AKT3: variants seen among roughly 807,000 people sequenced by gnomAD.
AKT3 encodes the protein RAC-gamma serine/threonine-protein kinase.
A neutral mutation model predicts 65.3 loss-of-function variants in AKT3; 15 were observed. That is an observed-to-expected ratio of 0.23 (90% CI 0.15 to 0.35). AKT3 has a LOEUF of 0.35. AKT3 is among the 10% of genes least tolerant of loss of function. AKT3 has a pLI of 1.00. For missense variants in AKT3, 243 were observed against 576.5 expected, an observed-to-expected ratio of 0.42 and a Z score of 5.92; for synonymous variants, 206 against 183.8, an observed-to-expected ratio of 1.12 and a Z score of -0.98.
chr1:243,729,861 T>C (rs1687439764), intron 2 of AKT3, among the ~76,000 whole-genome samples: 2 of 152,246 alleles, frequency 1.3e-5, no homozygotes, highest in African/African-American at 4.8e-5. Context: ...TGGGTCACTT[T>C]ATTACCAGAA....
At chr1:243,629,588 C>T (rs746199061) in intron 6 of AKT3, among the ~76,000 whole-genome samples, 15 of 151,990 alleles carry the variant, frequency 9.9e-5, no homozygotes, top group Non-Finnish European at 2.1e-4. Flanking sequence ...GTCAGGAGAC[C>T]GAGACCATCC....
intron 8 of AKT3, among the ~76,000 whole-genome samples, chr1:243,574,751 G>A (rs1272739556): frequency 6.6e-6 from 1 of 152,084 alleles, no homozygotes; most frequent in Non-Finnish European, 1.5e-5. Flanking sequence ...AATAATTTCT[G>A]CCATGCAAAA....
chr1:243,650,761 T>C (rs923754408), intron 4 of AKT3, among the ~76,000 whole-genome samples: 6 of 152,206 alleles, frequency 3.9e-5, no homozygotes, highest in African/African-American at 1.4e-4. Flanking sequence ...CATTGGTCTG[T>C]ATCTCTGTTT....
intron 9 of AKT3, among the ~76,000 whole-genome samples, chr1:243,566,600 G>A (rs1026810133): frequency 4.6e-5 from 7 of 152,146 alleles, no homozygotes; most frequent in African/African-American, 9.7e-5. Flanking sequence ...AAGACTATGG[G>A]TTCAAGTCAG....
intron 13 of AKT3, 90 bp downstream of exon 13, chr1:243,512,234 A>G: frequency 1.5e-6 from 1 of 656,828 alleles, no homozygotes; most frequent in Non-Finnish European, 2.5e-6. Context: ...TCTTGAAAAT[A>G]TCAGATGAGT....
At chr1:243,594,334 GC>G (rs1206225612) in intron 8 of AKT3, among the ~76,000 whole-genome samples, 1 of 152,154 alleles carries the variant, frequency 6.6e-6, no homozygotes, top group African/African-American at 2.4e-5. Flanking sequence ...TGGATTAAAT[GC>G]AATCATAATC....
At chr1:243,750,408 T>TACCC (rs1688732518) in intron 2 of AKT3, among the ~76,000 whole-genome samples, 1 of 149,288 alleles carries the variant, frequency 6.7e-6, no homozygotes, top group African/African-American at 2.5e-5. Context: ...CATGCACGTA[T>TACCC]ACACACACAC....
chr1:243,731,986 C>T (rs1293613961), intron 2 of AKT3, among the ~76,000 whole-genome samples: 1 of 152,164 alleles, frequency 6.6e-6, no homozygotes, highest in East Asian at 1.9e-4. Context: ...TATTCACATG[C>T]CATCTACATT....
intron 4 of AKT3, 64 bp downstream of exon 4, chr1:243,664,708 A>C (rs1341575665): frequency 4.3e-6 from 3 of 696,806 alleles, no homozygotes; most frequent in African/African-American, 3.8e-5. Context: ...ATAAAGTCAG[A>C]TACAAATACA....
intron 2 of AKT3, among the ~76,000 whole-genome samples, chr1:243,784,288 G>A (rs760003619): frequency 2.6e-4 from 40 of 152,090 alleles, no homozygotes; most frequent in African/African-American, 7.2e-4. Flanking sequence ...TTGAGGAACA[G>A]AAAGATGAAA....
intron 8 of AKT3, among the ~76,000 whole-genome samples, chr1:243,579,358 G>A (rs947991992): frequency 1.3e-5 from 2 of 152,084 alleles, no homozygotes; most frequent in African/African-American, 4.8e-5. Context: ...AGTGAAGGCA[G>A]AATCTTAGGG....
chr1:243,711,988 G>A (rs1336405288), intron 2 of AKT3, among the ~76,000 whole-genome samples: 1 of 152,102 alleles, frequency 6.6e-6, no homozygotes, highest in Non-Finnish European at 1.5e-5. Context: ...TATAAAAGTT[G>A]GTATAAGCTT....
chr1:243,591,912 C>T (rs1377402653), intron 8 of AKT3, among the ~76,000 whole-genome samples: 1 of 152,028 alleles, frequency 6.6e-6, no homozygotes, highest in East Asian at 1.9e-4. Context: ...ATCAAGATGT[C>T]TAACATGTAA....
At chr1:243,610,833 C>T (rs1677818081) in intron 8 of AKT3, among the ~76,000 whole-genome samples, 1 of 152,162 alleles carries the variant, frequency 6.6e-6, no homozygotes. Flanking sequence ...TTATACTCGT[C>T]TGCACCTAGT....
At chr1:243,614,695 G>GCTT (rs1470135331) in intron 7 of AKT3, among the ~76,000 whole-genome samples, 2 of 152,038 alleles carry the variant, frequency 1.3e-5, no homozygotes, top group East Asian at 3.8e-4. Flanking sequence ...TTGAAGAAAT[G>GCTT]CTTCTGATCA....
intron 2 of AKT3, among the ~76,000 whole-genome samples, chr1:243,744,155 G>C (rs1353330255): frequency 6.6e-6 from 1 of 152,174 alleles, no homozygotes. Flanking sequence ...TGAACTGTTA[G>C]TACAAACAAC....
Position 243,717,286 on chromosome 1 carries a change from G to A in AKT3, c.47-21570C>T, listed in dbSNP as rs535438555. ...TTTTAGTATACTAGGTAATCGAAAT[G>A]TCTTCCCAAGAGTCATACCCAGTGG... On this transcript the variant is annotated intron_variant, in intron 2 of 13. Coordinates refer to ENST00000673466, the MANE Select transcript of AKT3 (RefSeq NM_005465.7). 5.6e-4 allele frequency among the ~76,000 whole-genome samples: 86 copies of A among 152,258 alleles called. 2 individuals are homozygous for A. In the South Asian group the frequency reaches 0.017, roughly 31 times the overall value.
intron 3 of AKT3, among the ~76,000 whole-genome samples, chr1:243,681,899 G>A (rs1397148842): frequency 6.6e-6 from 1 of 151,900 alleles, no homozygotes; most frequent in Non-Finnish European, 1.5e-5. Flanking sequence ...AAAACACCTT[G>A]TAAAAAGCAG....
intron 13 of AKT3, among the ~76,000 whole-genome samples, chr1:243,512,099 T>C (rs1055864539): frequency 2.0e-5 from 3 of 152,210 alleles, no homozygotes; most frequent in Admixed American, 6.5e-5. Flanking sequence ...TCTATATAAT[T>C]TGTCCTACCC....
Sources: allele counts gnomAD v4.1 joint callset (sites outside exome capture counted in the v4.1 genomes callset), GRCh38; gene constraint gnomAD v4.1.1; transcripts MANE v1.5; gene names NCBI Gene and HGNC (gene_info 2026-07-23, HGNC 2026-07-21).